RHPN2: variants seen among roughly 807,000 people sequenced by gnomAD.
RHPN2 encodes the protein rhophilin Rho GTPase binding protein 2.
In RHPN2, 40 loss-of-function variants were observed where a neutral mutation model predicts 79.0. The ratio of observed to expected loss-of-function variants is 0.51; its 90% CI spans 0.39 to 0.66. The LOEUF (loss-of-function observed/expected upper bound fraction) is 0.66, where lower values mean the gene tolerates loss of function less well. Ranked by LOEUF, RHPN2 falls within the 30% of genes least tolerant of loss-of-function variation. The pLI is 0.00. For missense variants in RHPN2, 686 were observed against 883.5 expected, an observed-to-expected ratio of 0.78 and a Z score of 2.83; for synonymous variants, 285 against 363.5, an observed-to-expected ratio of 0.78 and a Z score of 2.46.
At chr19:33,062,180 C>T (rs1303058624) in intron 1 of RHPN2, among the ~76,000 whole-genome samples, 1 of 152,064 alleles carries the variant, frequency 6.6e-6, no homozygotes, top group Non-Finnish European at 1.5e-5. Flanking sequence ...TTCTCTCATC[C>T]AACACCAGAG....
At chr19:33,052,497 T>C (rs1972197177) in intron 1 of RHPN2, among the ~76,000 whole-genome samples, 1 of 152,240 alleles carries the variant, frequency 6.6e-6, no homozygotes, top group Admixed American at 6.5e-5. Context: ...TTATTTTCTC[T>C]GCCTTTCTCA....
intron 2 of RHPN2, chr19:33,027,310 CATAA>C (rs1205693364): frequency 8.4e-6 from 1 of 119,458 alleles, no homozygotes; most frequent in African/African-American, 3.2e-5. Flanking sequence ...AATCACAGTA[CATAA>C]ATAAATAAAC....
At chr19:33,028,368 G>A (rs1971984286) in intron 2 of RHPN2, among the ~76,000 whole-genome samples, 1 of 152,010 alleles carries the variant, frequency 6.6e-6, no homozygotes, top group Non-Finnish European at 1.5e-5. Context: ...TGTTGCCCAG[G>A]CTGGCCCAGA....
At chr19:33,029,274 C>T (rs1216548608) in intron 2 of RHPN2, among the ~76,000 whole-genome samples, 1 of 152,032 alleles carries the variant, frequency 6.6e-6, no homozygotes, top group Non-Finnish European at 1.5e-5. Context: ...CGCCTGTAAT[C>T]CCAGCACTTT....
chr19:33,018,110 G>T (rs879650265), intron 4 of RHPN2, among the ~76,000 whole-genome samples: 3 of 151,604 alleles, frequency 2.0e-5, no homozygotes, highest in Non-Finnish European at 4.4e-5. Context: ...CCGAGATCAC[G>T]CCACTGCACT....
intron 7 of RHPN2, among the ~76,000 whole-genome samples, chr19:33,005,821 C>T (rs940820807): frequency 1.3e-5 from 2 of 152,090 alleles, no homozygotes; most frequent in African/African-American, 4.8e-5. Context: ...AGATTTACAG[C>T]AAAAGAAATC....
At position 33,026,580 on chromosome 19, in the gene RHPN2, C is replaced by G. The variant is rs773144206; in HGVS notation, c.238G>C (p.Val80Leu). ...REQVRLELSF[V>L]NSDLQMLKEE... is the part of the protein sequence containing the mutation. ...TTGAGCATCTGCAGGTCTGAGTTGA[C>G]GAAGCTCAGCTCCAGCCGCACTTGC... Residue 80 changes from valine to leucine, a missense_variant, in exon 3 of 15, where the codon GTC becomes CTC. Physicochemically the swap from Val to Leu is conservative, Grantham distance 32 (BLOSUM62 1). Transcript: ENST00000254260. 2 of 1,609,336 alleles carry G rather than the reference C, an allele frequency of 1.2e-6. No individual in the cohort carries two copies. Among genetic ancestry groups the G allele is most frequent in the South Asian group, 2.2e-5 (2 of 91,084 alleles).
At chr19:33,024,521 G>A (rs1341459864) in intron 3 of RHPN2, among the ~76,000 whole-genome samples, 1 of 152,094 alleles carries the variant, frequency 6.6e-6, no homozygotes, top group South Asian at 2.1e-4. Flanking sequence ...AAGAGCCAGC[G>A]AGGTTTCACA....
intron 14 of RHPN2, among the ~76,000 whole-genome samples, chr19:32,983,997 TA>T (rs1971597008): frequency 6.6e-6 from 1 of 152,160 alleles, no homozygotes; most frequent in Non-Finnish European, 1.5e-5. Flanking sequence ...CTAGAACTCT[TA>T]GGGCTTTACA....
intron 4 of RHPN2, among the ~76,000 whole-genome samples, chr19:33,013,314 C>T (rs1971852005): frequency 1.3e-5 from 2 of 152,242 alleles, no homozygotes; most frequent in Non-Finnish European, 2.9e-5. Context: ...CGTGCCTCAG[C>T]CTCCCAAGTA....
intron 2 of RHPN2, among the ~76,000 whole-genome samples, chr19:33,028,415 C>A (rs1441207570): frequency 6.6e-6 from 1 of 152,086 alleles, no homozygotes; most frequent in African/African-American, 2.4e-5. Context: ...CCTCAGCCTC[C>A]GAAAGTGCTG....
chr19:33,047,391 C>T (rs16967749), intron 1 of RHPN2, among the ~76,000 whole-genome samples: 17,344 of 152,148 alleles, frequency 0.11, 1,151 homozygotes, highest in South Asian at 0.18. Context: ...TGGATTACAA[C>T]GCTTCACGCT....
chr19:32,983,629 CTTTTTTT>C (rs558224234), intron 14 of RHPN2, among the ~76,000 whole-genome samples: 7 of 126,930 alleles, frequency 5.5e-5, no homozygotes, highest in Non-Finnish European at 1.1e-4. Context: ...TTTTAAAAGC[CTTTTTTT>C]TTTTTTTTTT....
rs770460997 is a variant in RHPN2 at position 33,007,971 on chromosome 19, GT to G, written c.760+42del. ...GTGGGGGGTCCCCTGGTGCCACCGG[GT>G]GGGGCCAAGGCTCCGTCTGGTCAGC... is the stretch of plus-strand genomic sequence containing the variant. On this transcript the variant is annotated intron_variant, in intron 7 of 14. Transcript: ENST00000254260. 1.6e-5 allele frequency: 25 copies of G among 1,609,122 alleles called. No individual in the cohort carries two copies. The Admixed American group carries it at 4.2e-4, about 27-fold the overall frequency.
intron 9 of RHPN2, 59 bp downstream of exon 9, chr19:33,002,188 C>T (rs1386498462): frequency 3.8e-6 from 6 of 1,578,668 alleles, no homozygotes; most frequent in Non-Finnish European, 5.2e-6. Flanking sequence ...AGCTCAGAAT[C>T]GCCCCTGGGG....
rs1412258384 is a variant in RHPN2 at position 32,978,870 on chromosome 19, G to A, written c.*1126C>T. 1.3e-5 allele frequency: 2 copies of A among 152,180 alleles called. No individual in the cohort carries two copies. Among genetic ancestry groups the A allele is most frequent in the East Asian group, 1.9e-4 (1 of 5,178 alleles). 9.4% of individuals were successfully genotyped at this position (152,180 alleles called of 1,614,324 possible). A position where few individuals can be genotyped will look rare whatever the true frequency, so the allele number is the denominator to read the frequency against. On this transcript the variant is annotated 3_prime_UTR_variant, in exon 15 of 15. Transcript: ENST00000254260. ...ATTTTAAAAAGTAAAATAGTGGGAC[G>A]GTTGTGGTGGCTCATGCCTGTAATC... is the stretch of plus-strand genomic sequence containing the variant.
intron 1 of RHPN2, among the ~76,000 whole-genome samples, chr19:33,061,948 A>G (rs577671723): frequency 1.3e-5 from 2 of 152,234 alleles, no homozygotes; most frequent in Admixed American, 6.5e-5. Context: ...GATTACAGGT[A>G]TGAGCCACCA....
intron 14 of RHPN2, among the ~76,000 whole-genome samples, chr19:32,988,494 C>T (rs532968284): frequency 1.4e-4 from 21 of 152,298 alleles, no homozygotes; most frequent in African/African-American, 4.6e-4. Context: ...CGGCAGCAGA[C>T]GCCCTTCTAA....
intron 9 of RHPN2, among the ~76,000 whole-genome samples, chr19:33,000,974 C>T (rs1398553364): frequency 6.7e-6 from 1 of 149,382 alleles, no homozygotes. Context: ...AGTGGCGGCT[C>T]ACACTTTCAG....
Sources: allele counts gnomAD v4.1 joint callset (sites outside exome capture counted in the v4.1 genomes callset), GRCh38; gene constraint gnomAD v4.1.1; transcripts MANE v1.5; gene names NCBI Gene and HGNC (gene_info 2026-07-23, HGNC 2026-07-21).